RCOR1: variants seen among roughly 807,000 people sequenced by gnomAD.
RCOR1 encodes REST corepressor 1.
Under a neutral mutation model 64.0 loss-of-function variants are expected in RCOR1, and 12 were observed. The ratio of observed to expected loss-of-function variants is 0.19; its 90% CI spans 0.12 to 0.30. RCOR1 has a LOEUF of 0.30. Ranked by LOEUF, RCOR1 falls within the 10% of genes least tolerant of loss-of-function variation. RCOR1 has a pLI of 1.00. For synonymous variants in RCOR1, 279 were observed against 227.2 expected, an observed-to-expected ratio of 1.23 and a Z score of -2.05; for missense variants, 502 against 621.2, an observed-to-expected ratio of 0.81 and a Z score of 2.04.
intron 8 of RCOR1, among the ~76,000 whole-genome samples, chr14:102,717,089 T>G (rs771604805): frequency 3.0e-4 from 46 of 152,354 alleles, no homozygotes; most frequent in Non-Finnish European, 5.6e-4. Flanking sequence ...AAGGATATTG[T>G]TTTTTAAATT....
chr14:102,631,750 C>T (rs1894116091), intron 2 of RCOR1, among the ~76,000 whole-genome samples: 1 of 152,150 alleles, frequency 6.6e-6, no homozygotes, highest in East Asian at 1.9e-4. Flanking sequence ...AGCTTCTAAG[C>T]AGAACCCATC....
Position 102,714,437 on chromosome 14 carries a change from G to A in RCOR1, c.873G>A (p.Glu291=). Residue 291 remains glutamate (E), a synonymous_variant, in exon 8 of 12, where the codon GAG becomes GAA. Transcript: ENST00000262241. ...ATATCATGCAGGTTCCCCCTACTGA[G>A]ACAGTTCCTCAGGTCAAAAAAGAAA... ...KESKKEVPPT[E]TVPQVKKEKH... 6.2e-7 allele frequency: 1 copy of A among 1,608,070 alleles called. No individual in the cohort carries two copies. The highest frequency in any genetic ancestry group is 8.5e-7 in the Non-Finnish European group (1 of 1,176,438).
intron 3 of RCOR1, among the ~76,000 whole-genome samples, chr14:102,691,934 A>G (rs1010940498): frequency 5.9e-5 from 9 of 152,194 alleles, no homozygotes; most frequent in Admixed American, 5.2e-4. Flanking sequence ...TATATATGCT[A>G]AGTTCTGAGA....
chr14:102,685,955 G>T (rs1005783135), intron 3 of RCOR1, among the ~76,000 whole-genome samples: 1 of 152,114 alleles, frequency 6.6e-6, no homozygotes, highest in African/African-American at 2.4e-5. Context: ...GGGGCTAGAA[G>T]AGAATAATTT....
intron 2 of RCOR1, among the ~76,000 whole-genome samples, chr14:102,621,535 C>T (rs4906244): frequency 0.096 from 14,643 of 152,060 alleles, 758 homozygotes; most frequent in Middle Eastern, 0.17. Context: ...CCACTGAGCC[C>T]AGCCTCAGGT....
intron 2 of RCOR1, among the ~76,000 whole-genome samples, chr14:102,629,727 A>G: frequency 6.6e-6 from 1 of 152,178 alleles, no homozygotes; most frequent in East Asian, 1.9e-4. Context: ...CCTTGCTTCT[A>G]GCTCCACGTG....
chr14:102,638,253 G>A (rs1260836954), intron 2 of RCOR1, among the ~76,000 whole-genome samples: 2 of 152,212 alleles, frequency 1.3e-5, no homozygotes, highest in African/African-American at 2.4e-5. Context: ...CACCAGATGG[G>A]AGCAGATTTA....
intron 2 of RCOR1, among the ~76,000 whole-genome samples, chr14:102,647,208 A>G (rs1257664689): frequency 6.6e-6 from 1 of 152,238 alleles, no homozygotes; most frequent in Non-Finnish European, 1.5e-5. Context: ...AAAATCCTCC[A>G]GTGGAAGCAA....
intron 3 of RCOR1, among the ~76,000 whole-genome samples, chr14:102,683,160 A>T (rs1895340075): frequency 6.6e-6 from 1 of 152,218 alleles, no homozygotes; most frequent in African/African-American, 2.4e-5. Context: ...ATAAATTTAC[A>T]GTTTTATTGT....
intron 2 of RCOR1, among the ~76,000 whole-genome samples, chr14:102,614,581 A>G (rs1021364573): frequency 6.6e-6 from 1 of 152,060 alleles, no homozygotes; most frequent in African/African-American, 2.4e-5. Context: ...TTAAGATTTT[A>G]TATGTCAGAT....
chr14:102,661,791 C>T (rs1007729118), intron 2 of RCOR1, among the ~76,000 whole-genome samples: 1 of 152,190 alleles, frequency 6.6e-6, no homozygotes, highest in African/African-American at 2.4e-5. Flanking sequence ...GAGTCTTGCT[C>T]TGTTGCCCAG....
chr14:102,696,760 T>A (rs1171189324), intron 3 of RCOR1, among the ~76,000 whole-genome samples: 1 of 151,756 alleles, frequency 6.6e-6, no homozygotes, highest in Non-Finnish European at 1.5e-5. Context: ...CTGCTCCTCT[T>A]CCTTCCTGTT....
chr14:102,701,421 GT>G, intron 4 of RCOR1, 91 bp downstream of exon 4: 1 of 995,310 alleles, frequency 1.0e-6, no homozygotes, highest in Non-Finnish European at 1.4e-6. Context: ...TTGAGTAGCA[GT>G]GTTTCTTCAT....
At chr14:102,653,983 C>CTTTTTTTT (rs1160437928) in intron 2 of RCOR1, among the ~76,000 whole-genome samples, 2 of 33,176 alleles carry the variant, frequency 6.0e-5, no homozygotes, top group Non-Finnish European at 1.2e-4. Context: ...TTCTTTCTTT[C>CTTTTTTTT]TTTTTTTTTT....
At chr14:102,598,097 T>C (rs1018373610) in intron 2 of RCOR1, among the ~76,000 whole-genome samples, 1 of 151,758 alleles carries the variant, frequency 6.6e-6, no homozygotes, top group East Asian at 2.0e-4. Context: ...GCTGGGATTA[T>C]AGGCGTGAGC....
chr14:102,711,087 C>A, intron 7 of RCOR1, 74 bp downstream of exon 7: 1 of 939,550 alleles, frequency 1.1e-6, no homozygotes, highest in Non-Finnish European at 1.7e-6. Flanking sequence ...ATTCATGTTG[C>A]TTGTTCTACT....
chr14:102,640,473 T>G (rs931825216), intron 2 of RCOR1, among the ~76,000 whole-genome samples: 2 of 152,218 alleles, frequency 1.3e-5, no homozygotes, highest in Admixed American at 1.3e-4. Context: ...TCTCAAAGAC[T>G]TGGTGGACTA....
intron 3 of RCOR1, among the ~76,000 whole-genome samples, chr14:102,698,325 T>C (rs1004140503): frequency 6.6e-6 from 1 of 152,204 alleles, no homozygotes; most frequent in South Asian, 2.1e-4. Context: ...TCTGAGCAGA[T>C]AACATATGCC....
chr14:102,621,857 G>A (rs1189817988), intron 2 of RCOR1, among the ~76,000 whole-genome samples: 1 of 152,144 alleles, frequency 6.6e-6, no homozygotes, highest in Admixed American at 6.6e-5. Flanking sequence ...CTCTGATCTT[G>A]TTTGTAGGGA....
Sources: allele counts gnomAD v4.1 joint callset (sites outside exome capture counted in the v4.1 genomes callset), GRCh38; gene constraint gnomAD v4.1.1; transcripts MANE v1.5; gene names NCBI Gene and HGNC (gene_info 2026-07-23, HGNC 2026-07-21).